GALNTL6: variants seen among roughly 807,000 people sequenced by gnomAD.
The protein encoded by GALNTL6 is polypeptide N-acetylgalactosaminyltransferase like 6.
A neutral mutation model predicts 73.7 loss-of-function variants in GALNTL6; 46 were observed. The observed-to-expected ratio is 0.62, with a 90% CI of 0.49 to 0.80. The LOEUF (loss-of-function observed/expected upper bound fraction) is 0.80, where lower values mean the gene tolerates loss of function less well. GALNTL6 is among the 30% of genes least tolerant of loss of function. The pLI, the probability that GALNTL6 is intolerant of heterozygous loss-of-function variation, is 0.00. For synonymous variants in GALNTL6, 259 were observed against 263.7 expected, an observed-to-expected ratio of 0.98 and a Z score of 0.17; for missense variants, 604 against 755.0, an observed-to-expected ratio of 0.80 and a Z score of 2.34.
intron 5 of GALNTL6, among the ~76,000 whole-genome samples, chr4:172,581,113 A>G (rs543813968): frequency 6.6e-6 from 1 of 152,366 alleles, no homozygotes; most frequent in South Asian, 2.1e-4. Flanking sequence ...AGGACTTGAT[A>G]AAATTAGCAA....
chr4:172,589,627 T>C (rs1269057556), intron 5 of GALNTL6, among the ~76,000 whole-genome samples: 4 of 152,254 alleles, frequency 2.6e-5, no homozygotes, highest in Non-Finnish European at 5.9e-5. Context: ...TAACTGTTTA[T>C]TCTTGAGTCT....
intron 2 of GALNTL6, among the ~76,000 whole-genome samples, chr4:172,086,824 T>G (rs890790863): frequency 1.3e-5 from 2 of 152,228 alleles, no homozygotes; most frequent in African/African-American, 4.8e-5. Context: ...CCTATTTCCC[T>G]TTCCTATTTA....
chr4:171,855,986 A>G (rs998307642), intron 2 of GALNTL6, among the ~76,000 whole-genome samples: 1 of 152,200 alleles, frequency 6.6e-6, no homozygotes, highest in Non-Finnish European at 1.5e-5. Context: ...AGTTCTTTAT[A>G]TATTTTGAAT....
rs1481615288 is a variant in GALNTL6, at chr4:172,714,312, C to T, written c.554-95049C>T. 7.5e-5 allele frequency among the ~76,000 whole-genome samples: 9 copies of T among 120,514 alleles called. No homozygotes were observed. In the Admixed American group the frequency reaches 7.5e-4, roughly 10 times the overall value. The allele number at this position is 120,514 out of a possible 152,430, so 79.1% of individuals were successfully genotyped here. On this transcript the variant is annotated intron_variant, in intron 5 of 12. Coordinates refer to ENST00000506823, the MANE Select transcript of GALNTL6 (RefSeq NM_001034845.3). ...CAGTGGTGGTTTCACACCAAACACACACACACACACACACACACACACACA... is the reference window on the plus strand; with the variant it reads ...CAGTGGTGGTTTCACACCAAACACATACACACACACACACACACACACACA...
chr4:172,423,220 C>T (rs751910796), intron 5 of GALNTL6, among the ~76,000 whole-genome samples: 1 of 151,946 alleles, frequency 6.6e-6, no homozygotes, highest in Non-Finnish European at 1.5e-5. Flanking sequence ...CTCTTTTCTT[C>T]CCAGTCCTTT....
intron 4 of GALNTL6, among the ~76,000 whole-genome samples, chr4:172,329,112 A>AT (rs1741037545): frequency 6.6e-6 from 1 of 151,812 alleles, no homozygotes; most frequent in African/African-American, 2.4e-5. Flanking sequence ...CAGTCTGTCC[A>AT]TTTTTTCTTG....
chr4:171,891,110 T>G (rs1163025631), intron 2 of GALNTL6, among the ~76,000 whole-genome samples: 2 of 152,220 alleles, frequency 1.3e-5, no homozygotes, highest in African/African-American at 4.8e-5. Context: ...TAAAGGAACT[T>G]ACTCCTACCC....
At chr4:172,468,882 C>T (rs1445087678) in intron 5 of GALNTL6, among the ~76,000 whole-genome samples, 2 of 152,222 alleles carry the variant, frequency 1.3e-5, no homozygotes, top group South Asian at 2.1e-4. Flanking sequence ...AGAGTTACAA[C>T]TCTACAAACC....
intron 7 of GALNTL6, among the ~76,000 whole-genome samples, chr4:172,828,592 C>A (rs1350195867): frequency 6.6e-6 from 1 of 152,050 alleles, no homozygotes; most frequent in Non-Finnish European, 1.5e-5. Context: ...CAGAATAAAC[C>A]AACAGAACCT....
intron 5 of GALNTL6, among the ~76,000 whole-genome samples, chr4:172,660,956 T>C (rs1299371531): frequency 6.6e-6 from 1 of 152,212 alleles, no homozygotes; most frequent in Non-Finnish European, 1.5e-5. Flanking sequence ...ATACATGGCC[T>C]GTTAAGGTCG....
chr4:172,822,526 T>C (rs1018620479), intron 7 of GALNTL6, among the ~76,000 whole-genome samples: 17 of 152,172 alleles, frequency 1.1e-4, no homozygotes, highest in African/African-American at 4.1e-4. Flanking sequence ...CTAACTATCC[T>C]CTGTGTTTCT....
intron 2 of GALNTL6, among the ~76,000 whole-genome samples, chr4:172,188,111 A>G (rs1735468294): frequency 6.6e-6 from 1 of 152,196 alleles, no homozygotes; most frequent in Non-Finnish European, 1.5e-5. Context: ...ATCTTAAATC[A>G]TTGATCATTC....
chr4:172,882,507 G>A (rs1316929114), intron 7 of GALNTL6, among the ~76,000 whole-genome samples: 1 of 152,114 alleles, frequency 6.6e-6, no homozygotes, highest in African/African-American at 2.4e-5. Flanking sequence ...TTTCTCACTA[G>A]TGATAAACAA....
intron 2 of GALNTL6, among the ~76,000 whole-genome samples, chr4:172,047,345 T>A (rs545027099): frequency 6.6e-6 from 1 of 152,264 alleles, no homozygotes; most frequent in African/African-American, 2.4e-5. Context: ...TTCTGGAGCC[T>A]AGGGCATTCA....
chr4:172,574,610 A>T (rs1736893854), intron 5 of GALNTL6, among the ~76,000 whole-genome samples: 1 of 151,856 alleles, frequency 6.6e-6, no homozygotes, highest in Non-Finnish European at 1.5e-5. Context: ...AGTATGAAGG[A>T]GAAAAACAGC....
intron 5 of GALNTL6, among the ~76,000 whole-genome samples, chr4:172,418,861 T>C (rs546364260): frequency 6.6e-6 from 1 of 152,318 alleles, no homozygotes; most frequent in South Asian, 2.1e-4. Flanking sequence ...AACATTTTTA[T>C]TTAAAGGTGA....
intron 2 of GALNTL6, among the ~76,000 whole-genome samples, chr4:171,925,839 A>C (rs1239901678): frequency 6.6e-6 from 1 of 152,136 alleles, no homozygotes; most frequent in African/African-American, 2.4e-5. Context: ...TATTTCTTTT[A>C]GAGATGTGAT....
chr4:172,968,789 T>A (rs1032345705), intron 10 of GALNTL6, among the ~76,000 whole-genome samples: 3 of 152,162 alleles, frequency 2.0e-5, no homozygotes, highest in African/African-American at 2.4e-5. Context: ...GCCATTTTTT[T>A]AATACTTCAC....
At chr4:171,893,416 T>G (rs1578947483) in intron 2 of GALNTL6, among the ~76,000 whole-genome samples, 2 of 152,192 alleles carry the variant, frequency 1.3e-5, no homozygotes, top group African/African-American at 2.4e-5. Flanking sequence ...TGAGTCTGTC[T>G]TTCTCAGTAA....
Sources: gnomAD v4.1 joint callset for allele counts (sites outside exome capture counted in the v4.1 genomes callset) on GRCh38, gnomAD v4.1.1 for gene constraint, MANE v1.5 for transcripts, NCBI Gene and HGNC (gene_info 2026-07-23, HGNC 2026-07-21) for gene names.